The following ETV6 variants were observed in gnomAD, a reference collection of about 807,000 sequenced individuals.
ETV6 encodes the protein ETS variant transcription factor 6.
Under a neutral mutation model 51.1 loss-of-function variants are expected in ETV6, and 16 were observed. The observed-to-expected ratio is 0.31, with a 90% CI of 0.21 to 0.48. The LOEUF (loss-of-function observed/expected upper bound fraction) is 0.48, where lower values mean the gene tolerates loss of function less well. Ranked by LOEUF, ETV6 falls within the 20% of genes least tolerant of loss-of-function variation. The pLI is 0.99. For synonymous variants in ETV6, 240 were observed against 224.1 expected, an observed-to-expected ratio of 1.07 and a Z score of -0.64; for missense variants, 458 against 594.8, an observed-to-expected ratio of 0.77 and a Z score of 2.39.
chr12:11,848,454 T>C (rs1253302408), intron 3 of ETV6, among the ~76,000 whole-genome samples: 1 of 152,250 alleles, frequency 6.6e-6, no homozygotes, highest in African/African-American at 2.4e-5. Context: ...ATTAGTAAGA[T>C]TGATCAGCCA....
At chr12:11,729,165 G>A (rs1038367140) in intron 1 of ETV6, among the ~76,000 whole-genome samples, 3 of 152,226 alleles carry the variant, frequency 2.0e-5, no homozygotes, top group South Asian at 2.1e-4. Flanking sequence ...CCTTATCACC[G>A]TTTCCTGCTC....
In ETV6 at chr12:11,872,848, T is replaced by C. The variant is rs534047265; in HGVS notation, c.1009+2879T>C. Among the ~76,000 whole-genome samples, 3 of 152,234 alleles carry C rather than the reference T, an allele frequency of 2.0e-5. No homozygotes were observed. The South Asian group carries it at 6.2e-4, about 32-fold the overall frequency. On this transcript the variant is annotated intron_variant, in intron 5 of 7. Transcript: ENST00000396373. ...CCCAATATCAGTGTTTGATGATGGA[T>C]GCGGCCTCATCGGTTAGGAAGCTTG...
chr12:11,725,147 C>T (rs1865464937), intron 1 of ETV6, among the ~76,000 whole-genome samples: 3 of 144,714 alleles, frequency 2.1e-5, no homozygotes, highest in African/African-American at 7.9e-5. Flanking sequence ...TAAGACTTAT[C>T]TTTCTTTTTA....
At chr12:11,824,643 G>T (rs1430829708) in intron 2 of ETV6, among the ~76,000 whole-genome samples, 3 of 152,200 alleles carry the variant, frequency 2.0e-5, no homozygotes, top group Admixed American at 1.3e-4. Flanking sequence ...GCCGGGCGTG[G>T]TGATGCATGC....
chr12:11,761,129 C>T (rs975341209), intron 2 of ETV6, among the ~76,000 whole-genome samples: 3 of 152,108 alleles, frequency 2.0e-5, no homozygotes, highest in African/African-American at 7.2e-5. Flanking sequence ...CCACTTCACC[C>T]TATTACTCTT....
At chr12:11,872,555 G>A (rs1361175198) in intron 5 of ETV6, among the ~76,000 whole-genome samples, 3 of 145,438 alleles carry the variant, frequency 2.1e-5, no homozygotes, top group Admixed American at 7.1e-5. Flanking sequence ...GTTCAGTGAT[G>A]CAATCTCGGC....
chr12:11,770,191 C>T (rs938380178), intron 2 of ETV6, among the ~76,000 whole-genome samples: 4 of 152,114 alleles, frequency 2.6e-5, no homozygotes, highest in African/African-American at 4.8e-5. Context: ...GAACAAGCCT[C>T]GTTGGCCTTG....
intron 2 of ETV6, among the ~76,000 whole-genome samples, chr12:11,757,180 A>G (rs1193516350): frequency 6.6e-6 from 1 of 152,124 alleles, no homozygotes; most frequent in Non-Finnish European, 1.5e-5. Flanking sequence ...GAATCTTTCA[A>G]AATTCTTACA....
chr12:11,863,087 T>C (rs1443363013), intron 4 of ETV6, among the ~76,000 whole-genome samples: 2 of 152,184 alleles, frequency 1.3e-5, no homozygotes, highest in Non-Finnish European at 2.9e-5. Flanking sequence ...GGTGGAAATG[T>C]GATCCTGGTG....
intron 1 of ETV6, among the ~76,000 whole-genome samples, chr12:11,658,375 A>ATAGG (rs2120629230): frequency 6.6e-6 from 1 of 152,300 alleles, no homozygotes; most frequent in Admixed American, 6.5e-5. Context: ...AGCTGGGATT[A>ATAGG]CAGCTGTGCA....
At chr12:11,683,785 A>G (rs916092841) in intron 1 of ETV6, among the ~76,000 whole-genome samples, 4 of 152,322 alleles carry the variant, frequency 2.6e-5, no homozygotes, top group South Asian at 2.1e-4. Context: ...ATTGCCCCCA[A>G]AAAATTCCCT....
intron 2 of ETV6, among the ~76,000 whole-genome samples, chr12:11,780,346 C>T (rs1424458295): frequency 6.6e-6 from 1 of 151,900 alleles, no homozygotes; most frequent in Non-Finnish European, 1.5e-5. Flanking sequence ...TTTTTACTGC[C>T]CTGGGACAAC....
intron 1 of ETV6, among the ~76,000 whole-genome samples, chr12:11,663,228 C>T (rs182607724): frequency 2.0e-5 from 3 of 152,178 alleles, no homozygotes. Context: ...GATTAGGGAA[C>T]GGTTCCTAGG....
chr12:11,710,731 G>T (rs1460520167), intron 1 of ETV6, among the ~76,000 whole-genome samples: 1 of 152,230 alleles, frequency 6.6e-6, no homozygotes, highest in Non-Finnish European at 1.5e-5. Flanking sequence ...AATGAGGGTC[G>T]TTGATAGGAA....
At chr12:11,690,802 G>A (rs924428203) in intron 1 of ETV6, among the ~76,000 whole-genome samples, 1 of 151,750 alleles carries the variant, frequency 6.6e-6, no homozygotes, top group Non-Finnish European at 1.5e-5. Flanking sequence ...CAGGAGAATC[G>A]CTTGAACCTG....
chr12:11,790,354 T>A (rs1945563291), intron 2 of ETV6, among the ~76,000 whole-genome samples: 1 of 152,180 alleles, frequency 6.6e-6, no homozygotes, highest in African/African-American at 2.4e-5. Context: ...TGAGAGTTGA[T>A]GGACCCCTCA....
chr12:11,698,945 T>C (rs1222826907), intron 1 of ETV6, among the ~76,000 whole-genome samples: 2 of 152,182 alleles, frequency 1.3e-5, no homozygotes, highest in Admixed American at 6.5e-5. Flanking sequence ...CTGCCTAAAG[T>C]TCACAGACAG....
At chr12:11,877,250 C>T (rs1344945029) in intron 5 of ETV6, among the ~76,000 whole-genome samples, 1 of 152,026 alleles carries the variant, frequency 6.6e-6, no homozygotes, top group African/African-American at 2.4e-5. Context: ...TCTCCACTTC[C>T]TCCCACAGTG....
chr12:11,736,939 G>C (rs971210167), intron 1 of ETV6, among the ~76,000 whole-genome samples: 1 of 152,216 alleles, frequency 6.6e-6, no homozygotes, highest in African/African-American at 2.4e-5. Flanking sequence ...TCCAGTGCAA[G>C]CTCTGTTCTA....
Sources: gnomAD v4.1 joint callset for allele counts (sites outside exome capture counted in the v4.1 genomes callset) on GRCh38, gnomAD v4.1.1 for gene constraint, MANE v1.5 for transcripts, NCBI Gene and HGNC (gene_info 2026-07-23, HGNC 2026-07-21) for gene names.